The following TRPM3 variants were observed in gnomAD, a reference collection of about 807,000 sequenced individuals.
The protein encoded by TRPM3 is long transient receptor potential channel 3.
Under a neutral mutation model 181.2 loss-of-function variants are expected in TRPM3, and 77 were observed. The observed-to-expected ratio is 0.42, with a 90% confidence interval of 0.35 to 0.51. The LOEUF (loss-of-function observed/expected upper bound fraction) is 0.51, where lower values mean the gene tolerates loss of function less well. Among genes scored for constraint, TRPM3 ranks in the 20% least tolerant of loss-of-function variants. The pLI is 0.01. For synonymous variants in TRPM3, 745 were observed against 796.4 expected (o/e 0.94, Z 1.09); for missense variants, 1,759 against 2,196.7 (o/e 0.80, Z 3.98).
chr9:70,914,900 C>T (rs1312577195), intron 1 of TRPM3, among the ~76,000 whole-genome samples: 1 of 152,198 alleles, frequency 6.6e-6, no homozygotes, highest in African/African-American at 2.4e-5. Flanking sequence ...GACTTTGTTA[C>T]TGGGTGCCTC....
intron 1 of TRPM3, among the ~76,000 whole-genome samples, chr9:71,435,143 A>G (rs2094013661): frequency 6.6e-6 from 1 of 152,198 alleles, no homozygotes; most frequent in Non-Finnish European, 1.5e-5. Flanking sequence ...AGTACAATCC[A>G]TTGGTTTTCT....
intron 1 of TRPM3, among the ~76,000 whole-genome samples, chr9:71,288,942 A>T (rs1474769439): frequency 1.3e-5 from 2 of 152,128 alleles, no homozygotes; most frequent in East Asian, 3.8e-4. Flanking sequence ...GGGAAAAAAA[A>T]TTCCCAAGAC....
Position 70,625,117 on chromosome 9 carries a change from CAAAG to C in TRPM3, c.1809+70_1809+73del. 1.3e-6 allele frequency: 2 copies of C among 1,540,134 alleles called. No homozygotes were observed. The highest frequency in any genetic ancestry group is 1.8e-6 in the Non-Finnish European group (2 of 1,135,060). ...TTCTGATTTTAATTCCCCTTGGAGA[CAAAG>C]AAGCCACAACCCAAATCCCATACAC... is the stretch of plus-strand genomic sequence containing the variant. On this transcript the variant is annotated intron_variant, in intron 14 of 25. Transcript: ENST00000677713. The surrounding 1 kb of genome is among the most constrained non-coding windows in gnomAD (Gnocchi z 4.8).
At chr9:71,401,742 A>G (rs762478158) in intron 1 of TRPM3, among the ~76,000 whole-genome samples, 19 of 152,220 alleles carry the variant, frequency 1.2e-4, no homozygotes, top group Non-Finnish European at 2.4e-4. Context: ...AATAGTGGTA[A>G]CTAGAATGGA....
At chr9:71,246,433 GGTGTGTCCCCTTCA>G (rs554525462) in intron 1 of TRPM3, among the ~76,000 whole-genome samples, 228 of 152,258 alleles carry the variant, frequency 1.5e-3, no homozygotes, top group African/African-American at 4.4e-3. Flanking sequence ...AATTATTTAA[GGTGTGTCCCCTTCA>G]CACATTTTAG....
At chr9:71,116,089 C>G (rs2072311423) in intron 1 of TRPM3, among the ~76,000 whole-genome samples, 3 of 152,148 alleles carry the variant, frequency 2.0e-5, no homozygotes, top group Admixed American at 1.3e-4. Context: ...AACAATACAT[C>G]ATGTTTTCCT....
chr9:71,343,296 G>A (rs2091084402), intron 1 of TRPM3, among the ~76,000 whole-genome samples: 1 of 152,092 alleles, frequency 6.6e-6, no homozygotes, highest in South Asian at 2.1e-4. Context: ...AATAAATAAT[G>A]ACACTGAAAA....
intron 6 of TRPM3, among the ~76,000 whole-genome samples, chr9:70,795,661 CTTG>C (rs1449819836): frequency 2.0e-5 from 3 of 152,206 alleles, no homozygotes; most frequent in Admixed American, 6.5e-5. Context: ...CATCAACCAG[CTTG>C]TTAAGTCTTT....
At chr9:71,236,473 A>C (rs1415455875) in intron 1 of TRPM3, among the ~76,000 whole-genome samples, 1 of 152,204 alleles carries the variant, frequency 6.6e-6, no homozygotes. Flanking sequence ...AAGTTTAGGA[A>C]AAGCAATGGT....
At chr9:71,096,929 A>G (rs1195523357) in intron 1 of TRPM3, among the ~76,000 whole-genome samples, 1 of 152,122 alleles carries the variant, frequency 6.6e-6, no homozygotes, top group Non-Finnish European at 1.5e-5. Context: ...TGATCATCCC[A>G]TGGCAGTCAT....
intron 1 of TRPM3, among the ~76,000 whole-genome samples, chr9:70,957,119 C>A (rs946465426): frequency 2.0e-5 from 3 of 151,856 alleles, no homozygotes; most frequent in African/African-American, 7.3e-5. Flanking sequence ...CGCCACCGCA[C>A]CTGGCTAATT....
chr9:70,757,209 T>A (rs1480456296), intron 8 of TRPM3, among the ~76,000 whole-genome samples: 1 of 152,148 alleles, frequency 6.6e-6, no homozygotes, highest in Non-Finnish European at 1.5e-5. Context: ...TAAACACATC[T>A]ATGCAAATAA....
At chr9:70,669,146 A>T (rs1034452147) in intron 9 of TRPM3, among the ~76,000 whole-genome samples, 2 of 152,224 alleles carry the variant, frequency 1.3e-5, no homozygotes, top group Non-Finnish European at 2.9e-5. Flanking sequence ...TGCCATCAGA[A>T]CTGGCTGCAT....
rs117421763 is a variant in TRPM3 at position 70,740,436 on chromosome 9, C to T, written c.1272+21165G>A. Among the ~76,000 whole-genome samples the T allele has an allele frequency of 5.8e-3, 880 of 152,130 alleles. 6 individuals are homozygous for T. Among genetic ancestry groups the T allele is most frequent in the Non-Finnish European group, 0.01 (704 of 67,986 alleles). Reference sequence around the variant, plus strand: ...CAGCCTAAAAATTCAATGCAATTCCCATTGCATACCACCATCATTCTTCAC... The same window carrying T: ...CAGCCTAAAAATTCAATGCAATTCCTATTGCATACCACCATCATTCTTCAC... On this transcript the variant is annotated intron_variant, in intron 8 of 25. Transcript: ENST00000677713.
At chr9:70,674,686 A>G (rs2063642713) in intron 9 of TRPM3, among the ~76,000 whole-genome samples, 1 of 150,684 alleles carries the variant, frequency 6.6e-6, no homozygotes, top group South Asian at 2.1e-4. Flanking sequence ...CAAACTCCCA[A>G]GTAGCTGGGA....
intron 1 of TRPM3, among the ~76,000 whole-genome samples, chr9:71,268,827 A>G (rs2083570372): frequency 6.6e-6 from 1 of 152,168 alleles, no homozygotes; most frequent in African/African-American, 2.4e-5. Flanking sequence ...ATCTCCAAAA[A>G]AAGTTTAAAA....
At chr9:71,323,097 CT>C in intron 1 of TRPM3, among the ~76,000 whole-genome samples, 1 of 152,206 alleles carries the variant, frequency 6.6e-6, no homozygotes, top group South Asian at 2.1e-4. Flanking sequence ...AACACCCCAT[CT>C]TTTTTTCCCC....
chr9:71,077,906 C>CTTTTTTTTTTTTT (rs574083427), intron 1 of TRPM3, among the ~76,000 whole-genome samples: 3 of 130,836 alleles, frequency 2.3e-5, no homozygotes, highest in Non-Finnish European at 1.7e-5. Flanking sequence ...TTGTTTTTGT[C>CTTTTTTTTTTTTT]TTTTTTTTTT....
At chr9:70,701,958 C>A (rs2072714536) in intron 8 of TRPM3, among the ~76,000 whole-genome samples, 1 of 137,332 alleles carries the variant, frequency 7.3e-6, no homozygotes, top group Non-Finnish European at 1.6e-5. Context: ...AGTCACATGG[C>A]TAGAATTCCC....
Sources: gnomAD v4.1 joint callset for allele counts (sites outside exome capture counted in the v4.1 genomes callset) on GRCh38, gnomAD v4.1.1 for gene constraint, Gnocchi (gnomAD v3.1) non-coding constraint, MANE v1.5 for transcripts, NCBI Gene and HGNC (gene_info 2026-07-23, HGNC 2026-07-21) for gene names.